Variants in AGBL1 observed in about 807,000 individuals in gnomAD.
The protein encoded by AGBL1 is cytosolic carboxypeptidase 4.
AGBL1 carries 130 observed loss-of-function variants against 118.9 expected under a neutral mutation model. The ratio of observed to expected loss-of-function variants is 1.09; its 90% CI spans 0.95 to 1.26. AGBL1 has a LOEUF of 1.26. Ranked by LOEUF, AGBL1 falls within the 50% of genes most tolerant of loss-of-function variation. The pLI is 0.00. For missense variants in AGBL1, 1,584 were observed against 1,298.1 expected (o/e 1.22, Z -3.38); for synonymous variants, 555 against 478.9 (o/e 1.16, Z -2.08).
chr15:86,236,040 T>C (rs542783469), intron 6 of AGBL1, among the ~76,000 whole-genome samples: 3 of 152,338 alleles, frequency 2.0e-5, no homozygotes, highest in African/African-American at 7.2e-5. Context: ...ACTTGGCATA[T>C]TGGGACTAAC....
chr15:86,635,292 T>C (rs563505515), intron 21 of AGBL1, among the ~76,000 whole-genome samples: 32 of 21,064 alleles, frequency 1.5e-3, no homozygotes, highest in South Asian at 3.7e-3. Context: ...CCCCTCCCCC[T>C]CCCCCTCCCC....
intron 22 of AGBL1, among the ~76,000 whole-genome samples, chr15:86,865,253 C>G (rs772319311): frequency 3.3e-5 from 5 of 152,204 alleles, no homozygotes; most frequent in African/African-American, 9.6e-5. Flanking sequence ...AGCTAACTTG[C>G]ATTCCTCATT....
intron 22 of AGBL1, among the ~76,000 whole-genome samples, chr15:86,764,611 G>T (rs1160186564): frequency 1.3e-5 from 2 of 151,958 alleles, no homozygotes; most frequent in African/African-American, 4.8e-5. Context: ...GTATAATAAA[G>T]GCGTTGTTTA....
At chr15:86,818,087 T>C (rs2141381438) in intron 22 of AGBL1, among the ~76,000 whole-genome samples, 1 of 151,718 alleles carries the variant, frequency 6.6e-6, no homozygotes, top group Middle Eastern at 3.5e-3. Context: ...AAGGCAAGTT[T>C]GTGTGTGCGT....
chr15:86,249,670 C>A (rs2078778474), intron 7 of AGBL1, among the ~76,000 whole-genome samples: 1 of 152,174 alleles, frequency 6.6e-6, no homozygotes, highest in Admixed American at 6.5e-5. Flanking sequence ...TAACAGCCCC[C>A]CACTCTGGTC....
intron 22 of AGBL1, among the ~76,000 whole-genome samples, chr15:86,789,428 G>C (rs1271411093): frequency 6.6e-6 from 1 of 152,152 alleles, no homozygotes; most frequent in Non-Finnish European, 1.5e-5. Context: ...CTGCCAGGTT[G>C]TTTAAATTTT....
intron 17 of AGBL1, among the ~76,000 whole-genome samples, chr15:86,372,051 C>G (rs879461309): frequency 1.3e-5 from 2 of 152,200 alleles, no homozygotes; most frequent in African/African-American, 4.8e-5. Flanking sequence ...GCTAATGGAC[C>G]CATAGCTGCT....
intron 22 of AGBL1, among the ~76,000 whole-genome samples, chr15:86,892,675 G>C (rs1197411130): frequency 6.6e-6 from 1 of 152,098 alleles, no homozygotes; most frequent in Non-Finnish European, 1.5e-5. Flanking sequence ...GATTGGCAAT[G>C]TTTATTCTTA....
At position 86,191,946 on chromosome 15, in the gene AGBL1, CA is replaced by C. The variant is rs1314945358; in HGVS notation, c.488+32925del. Among the ~76,000 whole-genome samples the C allele has an allele frequency of 7.3e-5, 11 of 149,920 alleles. No individual in the cohort carries two copies. In the South Asian group the frequency reaches 2.3e-3, roughly 32 times the overall value. On this transcript the variant is annotated intron_variant, in intron 5 of 22. Transcript: ENST00000614907. ...AAAAAACCAAAAAACACAAAAAACA[CA>C]AAAATTAGCTAGGTGTAATGGCATG...
chr15:86,205,595 G>T (rs774909589), intron 5 of AGBL1, among the ~76,000 whole-genome samples: 1 of 152,206 alleles, frequency 6.6e-6, no homozygotes, highest in Non-Finnish European at 1.5e-5. Context: ...AATTCCTGTT[G>T]CTCCATCCTC....
chr15:86,294,313 C>T (rs968798265), intron 16 of AGBL1, among the ~76,000 whole-genome samples: 4 of 146,364 alleles, frequency 2.7e-5, no homozygotes, highest in African/African-American at 7.6e-5. Flanking sequence ...GCAGGAGAAT[C>T]GCTTGAACCT....
intron 22 of AGBL1, among the ~76,000 whole-genome samples, chr15:86,864,222 A>T (rs956366174): frequency 1.3e-5 from 2 of 152,138 alleles, no homozygotes; most frequent in Admixed American, 1.3e-4. Context: ...CCAAGCCCAG[A>T]GGGACACCAG....
rs1235691244 is a variant in AGBL1 at position 86,257,956 on chromosome 15, C to T, written c.902-8C>T. On this transcript the variant is annotated splice_region_variant and splice_polypyrimidine_tract_variant and intron_variant, in intron 8 of 22. Coordinates refer to ENST00000614907, the MANE Select transcript of AGBL1 (RefSeq NM_001386094.1). ...CTTCACTTATTTCACCTCTTTTTCCCCATCCAGAGGATTTTGAAGATGATG... is the reference window on the plus strand; with the variant it reads ...CTTCACTTATTTCACCTCTTTTTCCTCATCCAGAGGATTTTGAAGATGATG... The T allele has an allele frequency of 1.2e-6, 2 of 1,611,900 alleles. No individual in the cohort carries two copies. Among genetic ancestry groups the T allele is most frequent in the African/African-American group, 2.7e-5 (2 of 74,892 alleles).
chr15:86,262,315 G>T (rs998949708), intron 9 of AGBL1, among the ~76,000 whole-genome samples: 14 of 151,870 alleles, frequency 9.2e-5, no homozygotes, highest in Admixed American at 2.0e-4. Context: ...ATGGATGTTT[G>T]TCTGTTCCAT....
At chr15:87,018,040 T>A (rs935843855) in intron 24 of AGBL1, among the ~76,000 whole-genome samples, 8 of 89,828 alleles carry the variant, frequency 8.9e-5, no homozygotes, top group Non-Finnish European at 1.9e-4. Context: ...GCTTGAAGAA[T>A]ATCTTTCTAA....
intron 22 of AGBL1, among the ~76,000 whole-genome samples, chr15:86,822,404 A>G (rs755413161): frequency 6.6e-5 from 10 of 152,174 alleles, no homozygotes; most frequent in Admixed American, 2.0e-4. Context: ...AACCCAGGCT[A>G]AGACAATGGC....
At chr15:86,286,085 A>G (rs2079441029) in intron 16 of AGBL1, among the ~76,000 whole-genome samples, 1 of 149,422 alleles carries the variant, frequency 6.7e-6, no homozygotes, top group East Asian at 1.9e-4. Context: ...TTTTTCATTT[A>G]TTTGTTCCCC....
intron 18 of AGBL1, among the ~76,000 whole-genome samples, chr15:86,511,390 A>T (rs140544027): frequency 2.0e-4 from 30 of 152,136 alleles, no homozygotes; most frequent in African/African-American, 7.2e-4. Flanking sequence ...TGGGGAGCAG[A>T]CACCTTTCAT....
chr15:86,300,372 A>G (rs2079726988), intron 17 of AGBL1, among the ~76,000 whole-genome samples: 1 of 152,170 alleles, frequency 6.6e-6, no homozygotes, highest in Admixed American at 6.6e-5. Flanking sequence ...CAAACTGGAC[A>G]TCTCTACATT....
Sources: allele counts gnomAD v4.1 joint callset (sites outside exome capture counted in the v4.1 genomes callset), GRCh38; gene constraint gnomAD v4.1.1; transcripts MANE v1.5; gene names NCBI Gene and HGNC (gene_info 2026-07-23, HGNC 2026-07-21).